The following AGT variants were observed in gnomAD, a reference collection of about 807,000 sequenced individuals.
AGT encodes the protein alpha-1 antiproteinase, antitrypsin.
In AGT, 26 loss-of-function variants were observed where a neutral mutation model predicts 28.1. The observed-to-expected ratio is 0.92, with a 90% CI of 0.68 to 1.28. The LOEUF (loss-of-function observed/expected upper bound fraction) is 1.28. AGT is among the 50% of genes most tolerant of loss of function. The probability of loss-of-function intolerance (pLI) is 0.00; values close to 1 mark genes in which losing one functional copy is unlikely to be tolerated. For synonymous variants in AGT, 259 were observed against 259.6 expected (o/e 1.00, Z 0.02); for missense variants, 596 against 592.3 (o/e 1.01, Z -0.06).
At chr1:230,719,452 G>A (rs1485085204), upstream of AGT, among the ~76,000 whole-genome samples, 1 of 132,814 alleles carries the variant, frequency 7.5e-6, no homozygotes, top group Non-Finnish European at 1.5e-5. Flanking sequence ...CTGTCGCCCA[G>A]GCTGGAGTGC....
At chr1:230,719,692 C>T (rs149687811) in intron 1 of AGT, among the ~76,000 whole-genome samples, 3 of 152,252 alleles carry the variant, frequency 2.0e-5, no homozygotes, top group East Asian at 1.9e-4. Context: ...CAGGCATGAG[C>T]CACCACACCT....
chr1:230,727,964 C>T (rs1663975231), intron 1 of AGT, among the ~76,000 whole-genome samples: 1 of 152,174 alleles, frequency 6.6e-6, no homozygotes, highest in Admixed American at 6.5e-5. Flanking sequence ...TATTATTACT[C>T]AGATCAGCCT....
At chr1:230,743,180 A>G (rs1439113918) in intron 1 of AGT, among the ~76,000 whole-genome samples, 3 of 152,028 alleles carry the variant, frequency 2.0e-5, no homozygotes, top group Non-Finnish European at 4.4e-5. Flanking sequence ...TAGTAGAGTC[A>G]AGGTTTTACC....
rs865949776 is a variant in AGT, at chr1:230,706,299, C to G, written c.830-99G>C. The G allele has an allele frequency of 2.2e-6, 3 of 1,375,110 alleles. No individual in the cohort carries two copies. In the African/African-American group the frequency reaches 4.3e-5, roughly 20 times the overall value. The allele number at this position is 1,375,110 out of a possible 1,614,324, so 85.2% of individuals were successfully genotyped here. On this transcript the variant is annotated intron_variant, in intron 2 of 4. Coordinates refer to ENST00000366667, the MANE Select transcript of AGT (RefSeq NM_001384479.1). ...AAAGGCCCAGATCCTGCCCCTCGCC[C>G]TGCCTCAGCCTCCTTCCTTGGCCCC...
In AGT at chr1:230,731,227, C is replaced by T. The variant is rs78086830; in HGVS notation, c.-31+14288G>A. ...CGAGTAATATTTGTAAATCACACTT[C>T]GTGCTTCAGCCTGTCCCTTTCAGGT... is the stretch of plus-strand genomic sequence containing the variant. On this transcript the variant is annotated intron_variant, in intron 1 of 4. Transcript: ENST00000681269. Among the ~76,000 whole-genome samples the T allele has an allele frequency of 4.4e-3, 674 of 152,302 alleles. 6 individuals carry two copies. Among genetic ancestry groups the T allele is most frequent in the African/African-American group, 0.015 (621 of 41,558 alleles).
chr1:230,741,882 T>C (rs1664254029), intron 1 of AGT, among the ~76,000 whole-genome samples: 1 of 152,154 alleles, frequency 6.6e-6, no homozygotes, highest in Non-Finnish European at 1.5e-5. Context: ...AGTTTCAAAC[T>C]AGGCTTTTAA....
intron 1 of AGT, among the ~76,000 whole-genome samples, chr1:230,737,962 C>T (rs1664184682): frequency 6.6e-6 from 1 of 152,154 alleles, no homozygotes; most frequent in South Asian, 2.1e-4. Context: ...GTCTGTTGTC[C>T]TTTGTGACTT....
At chr1:230,709,258 T>G (rs1663499219) in intron 2 of AGT, among the ~76,000 whole-genome samples, 1 of 152,116 alleles carries the variant, frequency 6.6e-6, no homozygotes, top group Non-Finnish European at 1.5e-5. Flanking sequence ...CAACAAGTAT[T>G]TGTTAAATGA....
chr1:230,736,554 G>A (rs566052818), intron 1 of AGT, among the ~76,000 whole-genome samples: 9 of 152,198 alleles, frequency 5.9e-5, no homozygotes, highest in East Asian at 1.9e-4. Context: ...TTTTGTTTCC[G>A]CAGTATTCTT....
chr1:230,739,253 G>A (rs1664203191), intron 1 of AGT, among the ~76,000 whole-genome samples: 1 of 151,596 alleles, frequency 6.6e-6, no homozygotes, highest in Non-Finnish European at 1.5e-5. Context: ...TGCTCAGGAG[G>A]CTGAGGCAGA....
intron 1 of AGT, among the ~76,000 whole-genome samples, chr1:230,712,075 A>G (rs575106718): frequency 6.6e-6 from 1 of 152,282 alleles, no homozygotes; most frequent in African/African-American, 2.4e-5. Context: ...TTCAATTCTA[A>G]CATTTTGTAC....
chr1:230,729,689 A>G (rs1664015208), intron 1 of AGT, among the ~76,000 whole-genome samples: 1 of 152,214 alleles, frequency 6.6e-6, no homozygotes, highest in African/African-American at 2.4e-5. Context: ...TTCTCTAGAT[A>G]AAGCCCATTA....
At chr1:230,704,132 T>C (rs1285069046) in intron 4 of AGT, 61 bp downstream of exon 4, 2 of 1,612,864 alleles carry the variant, frequency 1.2e-6, no homozygotes, top group Non-Finnish European at 1.7e-6. Context: ...CTTACATCCA[T>C]GCCTCCCACC....
At chr1:230,725,249 T>C (rs542589681) in intron 1 of AGT, among the ~76,000 whole-genome samples, 2 of 152,332 alleles carry the variant, frequency 1.3e-5, no homozygotes, top group East Asian at 1.9e-4. Context: ...AATACTGTTA[T>C]GTAAAATGTG....
chr1:230,721,375 A>G (rs1259119968), intron 1 of AGT, among the ~76,000 whole-genome samples: 2 of 152,264 alleles, frequency 1.3e-5, no homozygotes, highest in Non-Finnish European at 2.9e-5. Context: ...TGCTTGGCAT[A>G]TAGAGTTATT....
At chr1:230,727,276 T>C (rs2102800976) in intron 1 of AGT, among the ~76,000 whole-genome samples, 1 of 152,338 alleles carries the variant, frequency 6.6e-6, no homozygotes, top group East Asian at 1.9e-4. Flanking sequence ...GAATTGTTAC[T>C]TATGCCTTAA....
At chr1:230,716,333 C>T (rs1337141484), upstream of AGT, among the ~76,000 whole-genome samples, 2 of 152,200 alleles carry the variant, frequency 1.3e-5, no homozygotes, top group African/African-American at 4.8e-5. Context: ...TGTGTTCATT[C>T]CATCAGTGGA....
At position 230,710,441 on chromosome 1, in the gene AGT, G is replaced by A. The variant is rs34829218; in HGVS notation, c.383C>T (p.Thr128Met). 4.9e-3 allele frequency: 7,866 copies of A among 1,614,234 alleles called. 36 individuals are homozygous for A. Among genetic ancestry groups the A allele is most frequent in the South Asian group, 6.2e-3 (562 of 91,082 alleles). ...AGAGGCCAGGGTGCCAAAGACAGCC[G>A]TTGGGGAGAGGACGGTGGCCCCATG... ...VVHGATVLSP[T>M]AVFGTLASLY... is the part of the protein sequence containing the mutation. The change falls in exon 2 of 5, where the codon ACG (threonine) becomes ATG (methionine). Residue 128 changes from threonine to methionine, a missense_variant. By Grantham distance (81) the Thr-to-Met change is moderately conservative. Transcript: ENST00000366667.
intron 1 of AGT, among the ~76,000 whole-genome samples, chr1:230,737,803 G>T (rs567821573): frequency 1.3e-5 from 2 of 152,070 alleles, no homozygotes; most frequent in Non-Finnish European, 2.9e-5. Context: ...AGCATATTTA[G>T]AGTTGTGCAA....
Sources: gnomAD v4.1 joint callset for allele counts (sites outside exome capture counted in the v4.1 genomes callset) on GRCh38, gnomAD v4.1.1 for gene constraint, MANE v1.5 for transcripts, NCBI Gene and HGNC (gene_info 2026-07-23, HGNC 2026-07-21) for gene names.